The following STK3 variants were observed in gnomAD, a reference collection of about 807,000 sequenced individuals.
STK3 encodes the protein serine/threonine-protein kinase 3.
In STK3, 41 loss-of-function variants were observed where a neutral mutation model predicts 58.0. The observed-to-expected ratio is 0.71, with a 90% confidence interval of 0.55 to 0.92. The LOEUF is 0.92. STK3 is among the 40% of genes least tolerant of loss of function. STK3 has a pLI of 0.00. For synonymous variants in STK3, 170 were observed against 191.0 expected (o/e 0.89, Z 0.91); for missense variants, 479 against 602.7 (o/e 0.79, Z 2.15).
intron 1 of STK3, among the ~76,000 whole-genome samples, chr8:98,922,548 A>T (rs925540273): frequency 6.6e-6 from 1 of 152,234 alleles, no homozygotes; most frequent in African/African-American, 2.4e-5. Context: ...ATTCCTGCAC[A>T]CCTAGCTCAG....
intron 1 of STK3, among the ~76,000 whole-genome samples, chr8:98,795,729 T>G (rs1339093430): frequency 6.6e-6 from 1 of 152,042 alleles, no homozygotes; most frequent in African/African-American, 2.4e-5. Flanking sequence ...CAGTAGCATT[T>G]CTATACACCA....
intron 1 of STK3, among the ~76,000 whole-genome samples, chr8:98,442,481 G>C (rs1299595397): frequency 1.3e-5 from 2 of 152,222 alleles, no homozygotes; most frequent in Non-Finnish European, 2.9e-5. Flanking sequence ...ACCAAGGTGC[G>C]TTATTTCAGG....
intron 6 of STK3, chr8:98,597,905 A>C: frequency 2.0e-6 from 2 of 985,392 alleles, no homozygotes; most frequent in Non-Finnish European, 2.4e-6. Context: ...TAACCTAATT[A>C]ATCTCAGACA....
intron 10 of STK3, among the ~76,000 whole-genome samples, chr8:98,477,585 T>A (rs1372881879): frequency 6.6e-6 from 1 of 151,512 alleles, no homozygotes; most frequent in Admixed American, 6.6e-5. Context: ...ATTTCCTATC[T>A]CAGTCTCCAC....
At chr8:98,473,534 C>G (rs745415982) in intron 10 of STK3, among the ~76,000 whole-genome samples, 39 of 152,164 alleles carry the variant, frequency 2.6e-4, no homozygotes, top group Non-Finnish European at 4.6e-4. Context: ...ATGGAGAAAA[C>G]AATAACCATA....
In STK3 at chr8:98,939,593, T is replaced by C. The variant is rs984140073; in HGVS notation, c.-79+2785A>G. 2.5e-4 allele frequency among the ~76,000 whole-genome samples: 38 copies of C among 152,130 alleles called. 1 individual carries two copies. Among genetic ancestry groups the C allele is most frequent in the Admixed American group, 2.0e-3 (30 of 15,280 alleles). ...AAAAACAAGTCTGGAGACGGGAGGGTAGCGCTGCTCAGCTCCAGCCAACTC... is the reference window on the plus strand; with the variant it reads ...AAAAACAAGTCTGGAGACGGGAGGGCAGCGCTGCTCAGCTCCAGCCAACTC... On this transcript the variant is annotated intron_variant, in intron 1 of 1. Coordinates refer to the STK3 transcript ENST00000519420.
chr8:98,385,745 C>A (rs990272783), intron 1 of STK3, among the ~76,000 whole-genome samples: 2 of 152,134 alleles, frequency 1.3e-5, no homozygotes, highest in Non-Finnish European at 2.9e-5. Context: ...GCCCCCCACA[C>A]CCTGAAAAAG....
chr8:98,468,732 C>A (rs1395423345), intron 10 of STK3, among the ~76,000 whole-genome samples: 1 of 152,188 alleles, frequency 6.6e-6, no homozygotes, highest in African/African-American at 2.4e-5. Flanking sequence ...AAATCTTCAA[C>A]TTTCTGAATT....
At chr8:98,905,039 G>A (rs1838835528) in intron 1 of STK3, 1 of 920,576 alleles carries the variant, frequency 1.1e-6, no homozygotes, top group African/African-American at 1.6e-5. Context: ...TGTAATACCT[G>A]GATTCCCCAT....
In STK3 at chr8:98,752,920, A is replaced by C. The variant is rs1400563969; in HGVS notation, c.237-3530T>G. 2.0e-5 allele frequency among the ~76,000 whole-genome samples: 3 copies of C among 151,530 alleles called. No individual in the cohort carries two copies. The East Asian group carries it at 5.9e-4, about 30-fold the overall frequency. The stretch of plus-strand genomic sequence containing the variant: ...CCACAATGAGATACCATGTTACACC[A>C]GTCAGAATGACTATTATTAAAAAGT... On this transcript the variant is annotated intron_variant, in intron 3 of 10. Transcript: ENST00000419617.
chr8:98,543,016 A>G (rs574860959), intron 9 of STK3, among the ~76,000 whole-genome samples: 1 of 152,318 alleles, frequency 6.6e-6, no homozygotes, highest in African/African-American at 2.4e-5. Context: ...CACGCTCACA[A>G]TAAAGCATGA....
intron 4 of STK3, among the ~76,000 whole-genome samples, chr8:98,741,135 CAAT>C (rs1405659768): frequency 1.3e-5 from 2 of 152,116 alleles, no homozygotes; most frequent in African/African-American, 2.4e-5. Flanking sequence ...GACTCCCACA[CAAT>C]AATAATGGGA....
intron 1 of STK3, among the ~76,000 whole-genome samples, chr8:98,934,550 T>A (rs1840126798): frequency 6.6e-6 from 1 of 152,156 alleles, no homozygotes; most frequent in South Asian, 2.1e-4. Context: ...CTTAAAACCA[T>A]AAAAGCAGCA....
intron 8 of STK3, among the ~76,000 whole-genome samples, chr8:98,550,129 C>T (rs1229325585): frequency 1.3e-5 from 2 of 152,108 alleles, no homozygotes; most frequent in Non-Finnish European, 2.9e-5. Context: ...TGGCAGAGGT[C>T]AAAATGCAAA....
intron 4 of STK3, among the ~76,000 whole-genome samples, chr8:98,709,239 T>G (rs542377910): frequency 7.0e-4 from 107 of 152,138 alleles, no homozygotes; most frequent in Admixed American, 1.4e-3. Flanking sequence ...GAGCTACTGA[T>G]AGAGAACGAC....
intron 6 of STK3, among the ~76,000 whole-genome samples, chr8:98,620,466 TA>T (rs567110846): frequency 2.8e-4 from 29 of 105,238 alleles, no homozygotes; most frequent in East Asian, 1.3e-3. Flanking sequence ...TAAAGTATAA[TA>T]AAAAAAATAA....
chr8:98,818,907 G>A (rs1218491641), intron 1 of STK3, among the ~76,000 whole-genome samples: 1 of 152,016 alleles, frequency 6.6e-6, no homozygotes, highest in Non-Finnish European at 1.5e-5. Context: ...TGCAAGCTCC[G>A]CCTCCCAAGT....
chr8:98,541,230 C>T (rs1343139925), intron 9 of STK3, among the ~76,000 whole-genome samples: 1 of 152,046 alleles, frequency 6.6e-6, no homozygotes, highest in Non-Finnish European at 1.5e-5. Flanking sequence ...ATTTTAATTC[C>T]CAGTGCTGGA....
At chr8:98,379,253 T>A (rs1817707127) in intron 1 of STK3, 1 of 152,328 alleles carries the variant, frequency 6.6e-6, no homozygotes. Flanking sequence ...AACTCAAAAG[T>A]TGATTTATTA....
Sources: gnomAD v4.1 joint callset for allele counts (sites outside exome capture counted in the v4.1 genomes callset) on GRCh38, gnomAD v4.1.1 for gene constraint, MANE v1.5 for transcripts, NCBI Gene and HGNC (gene_info 2026-07-23, HGNC 2026-07-21) for gene names.